Variants in PDZD2 observed in about 807,000 individuals in gnomAD.
PDZD2 encodes PDZ domain containing 2.
PDZD2 carries 90 observed loss-of-function variants against 220.7 expected under a neutral mutation model. The observed-to-expected ratio is 0.41, with a 90% CI of 0.34 to 0.49. The LOEUF (loss-of-function observed/expected upper bound fraction) is 0.49. Among genes scored for constraint, PDZD2 ranks in the 20% least tolerant of loss-of-function variants. The probability of loss-of-function intolerance (pLI) is 0.28; values close to 1 mark genes in which losing one functional copy is unlikely to be tolerated. For synonymous variants in PDZD2, 1,375 were observed against 1,450.5 expected, an observed-to-expected ratio of 0.95 and a Z score of 1.18; for missense variants, 3,174 against 3,608.5, an observed-to-expected ratio of 0.88 and a Z score of 3.08.
At chr5:31,918,820 T>TC (rs1350240826) in intron 2 of PDZD2, among the ~76,000 whole-genome samples, 3 of 152,152 alleles carry the variant, frequency 2.0e-5, no homozygotes, top group African/African-American at 7.2e-5. Context: ...TCTGTGCTAC[T>TC]CCAAGAGTGG....
At chr5:32,054,748 A>C (rs1213170972) in intron 10 of PDZD2, among the ~76,000 whole-genome samples, 1 of 152,216 alleles carries the variant, frequency 6.6e-6, no homozygotes, top group Non-Finnish European at 1.5e-5. Context: ...CTTGCAAATA[A>C]TTTTTTTAAT....
rs57252714 is a variant in PDZD2 at position 32,022,193 on chromosome 5, G to GT, written c.1407+11717dup. 6.4e-3 allele frequency among the ~76,000 whole-genome samples: 907 copies of GT among 141,370 alleles called. 24 individuals are homozygous for GT. The highest frequency in any genetic ancestry group is 0.015 in the African/African-American group (583 of 38,028). 92.7% of individuals were successfully genotyped at this position (141,370 alleles called of 152,430 possible). ...TTTCGTTTTGTTTTTTTGTTTTTTT[G>GT]TTTTTTGTTTTTTTTTGGAGTTGGG... On this transcript the variant is annotated intron_variant, in intron 6 of 24. Coordinates refer to ENST00000438447, the MANE Select transcript of PDZD2 (RefSeq NM_178140.4).
chr5:31,800,408 A>G (rs1261840679), intron 2 of PDZD2, among the ~76,000 whole-genome samples: 1 of 152,156 alleles, frequency 6.6e-6, no homozygotes, highest in Non-Finnish European at 1.5e-5. Flanking sequence ...TTGGTGTCCA[A>G]GGTTTTTTCT....
At chr5:31,673,469 G>T (rs1215315878) in intron 1 of PDZD2, among the ~76,000 whole-genome samples, 1 of 152,180 alleles carries the variant, frequency 6.6e-6, no homozygotes, top group Non-Finnish European at 1.5e-5. Context: ...CATAGGAAGG[G>T]TGTGTGTGCA....
rs1366880574 is a variant in PDZD2 at position 32,088,763 on chromosome 5, T to G, written c.5315T>G (p.Leu1772Trp). ...GTCCCTAAGAATGGAGAATCTGTTT[T>G]GGAAAACCTCCACATCTCTGAAAGT... The part of the protein sequence containing the change: ...VDVPKNGESV[L>W]ENLHISESQD... Residue 1772 changes from leucine (L) to tryptophan (W), a missense_variant, in exon 20 of 25, where the codon TTG (leucine) becomes TGG (tryptophan). By Grantham distance (61) the Leu-to-Trp change is moderately conservative (BLOSUM62 -2). Around this residue, in one of 4 missense-constraint regions of PDZD2, gnomAD observed 1,861 missense variants for 2,001.0 expected, o/e 0.93. Coordinates refer to ENST00000438447, the MANE Select transcript of PDZD2 (RefSeq NM_178140.4). The surrounding 1 kb of genome is among the most constrained non-coding windows in gnomAD (Gnocchi z 4.6). 6.2e-7 allele frequency: 1 copy of G among 1,614,110 alleles called. No homozygotes were observed. Among genetic ancestry groups the G allele is most frequent in the South Asian group, 1.1e-5 (1 of 91,066 alleles).
At chr5:32,096,956 C>T (rs1185836860) in intron 21 of PDZD2, among the ~76,000 whole-genome samples, 2 of 151,400 alleles carry the variant, frequency 1.3e-5, no homozygotes, top group Non-Finnish European at 2.9e-5. Flanking sequence ...CCACCTCAGC[C>T]TCTTGAGTAG....
chr5:32,095,731 T>TC (rs1743606924), intron 21 of PDZD2, among the ~76,000 whole-genome samples: 2 of 147,566 alleles, frequency 1.4e-5, no homozygotes, highest in African/African-American at 5.0e-5. Flanking sequence ...TTTTTTTTTT[T>TC]CCTTCTCCTT....
intron 2 of PDZD2, among the ~76,000 whole-genome samples, chr5:31,888,286 G>T (rs983034512): frequency 6.6e-6 from 1 of 151,982 alleles, no homozygotes; most frequent in African/African-American, 2.4e-5. Flanking sequence ...TCCGCCTACT[G>T]GGTTCAAGTA....
At chr5:31,821,467 G>A (rs974925388) in intron 2 of PDZD2, among the ~76,000 whole-genome samples, 9 of 151,798 alleles carry the variant, frequency 5.9e-5, no homozygotes, top group South Asian at 2.1e-4. Flanking sequence ...TGCAACCTCC[G>A]TCTCCCAGGT....
chr5:31,781,415 A>G (rs1753056776), intron 1 of PDZD2, among the ~76,000 whole-genome samples: 1 of 152,240 alleles, frequency 6.6e-6, no homozygotes. Flanking sequence ...CTCCATCTCA[A>G]AAAAGCAACA....
intron 1 of PDZD2, among the ~76,000 whole-genome samples, chr5:31,735,008 A>C (rs751464477): frequency 2.0e-5 from 3 of 152,126 alleles, no homozygotes; most frequent in Non-Finnish European, 4.4e-5. Context: ...AATGGTTGCT[A>C]TCCCTTGGCT....
At chr5:31,738,805 G>A (rs1186834269) in intron 1 of PDZD2, 2 of 152,194 alleles carry the variant, frequency 1.3e-5, no homozygotes, top group African/African-American at 4.8e-5. Context: ...CACAAGGAGA[G>A]GGAGCCCCAT....
intron 2 of PDZD2, among the ~76,000 whole-genome samples, chr5:31,852,098 G>A (rs956682580): frequency 2.0e-5 from 3 of 151,932 alleles, no homozygotes; most frequent in South Asian, 2.1e-4. Context: ...CTCGTGATCC[G>A]CCTGCCTCGG....
Position 31,799,582 on chromosome 5 carries a change from C to T in PDZD2, c.334C>T (p.Pro112Ser). The change falls in exon 2 of 25, where the codon CCT becomes TCT. Residue 112 changes from proline (P) to serine (S), a missense_variant. Coordinates refer to ENST00000438447, the MANE Select transcript of PDZD2 (RefSeq NM_178140.4). The part of the protein sequence containing the change: ...GGKKRKTHQG[P>S]VLDVGCIWVT... ...CAAGAAGAGGAAAACCCACCAGGGT[C>T]CTGTGCTGGATGTGGGCTGCATCTG... The T allele has an allele frequency of 6.2e-7, 1 of 1,614,134 alleles. No homozygotes were observed. The highest frequency in any genetic ancestry group is 8.5e-7 in the Non-Finnish European group (1 of 1,180,012).
chr5:32,098,645 C>G lies in PDZD2; in HGVS notation c.8218+11C>G, dbSNP rs777915117. ...TGGAGCCTGGCATTGGTAAGATGAT[C>G]ATTTCAACAACCAGCAGGCTGTGAG... On this transcript the variant is annotated intron_variant, in intron 23 of 24. Transcript: ENST00000438447. This position sits in a 1 kb window ranked among gnomAD's most constrained non-coding sequence, Gnocchi z 4.1. The G allele has an allele frequency of 6.2e-7, 1 of 1,606,634 alleles. No homozygotes were observed. Among genetic ancestry groups the G allele is most frequent in the Non-Finnish European group, 8.5e-7 (1 of 1,175,636 alleles).
At chr5:31,948,787 G>C (rs1284591273) in intron 2 of PDZD2, among the ~76,000 whole-genome samples, 1 of 152,138 alleles carries the variant, frequency 6.6e-6, no homozygotes, top group Admixed American at 6.5e-5. Flanking sequence ...GAGTAGGTGA[G>C]AGAACCACTT....
chr5:32,097,015 C>A (rs1743778980), intron 21 of PDZD2, among the ~76,000 whole-genome samples: 1 of 151,598 alleles, frequency 6.6e-6, no homozygotes. Context: ...TTTGTAGAGA[C>A]AGGGTTTTGC....
intron 1 of PDZD2, among the ~76,000 whole-genome samples, chr5:31,793,086 C>T (rs183354172): frequency 6.6e-6 from 1 of 152,222 alleles, no homozygotes; most frequent in East Asian, 1.9e-4. Context: ...GATCCGCCCA[C>T]CTTGGCCTCC....
In PDZD2 at chr5:31,869,682, G is replaced by GAC. The variant is rs137902468; in HGVS notation, c.476+69959_476+69960dup. Among the ~76,000 whole-genome samples the GAC allele has an allele frequency of 6.2e-3, 947 of 152,346 alleles. 11 individuals carry two copies. The highest frequency in any genetic ancestry group is 0.021 in the African/African-American group (889 of 41,570). On this transcript the variant is annotated intron_variant, in intron 2 of 24. Coordinates refer to ENST00000438447, the MANE Select transcript of PDZD2 (RefSeq NM_178140.4). ...AGTCACTGAAATAGGTAGTGACGGGGACTCCCTTGAAGATCCCAAGGTATT... is the reference window on the plus strand; with the variant it reads ...AGTCACTGAAATAGGTAGTGACGGGGACACTCCCTTGAAGATCCCAAGGTATT...
Sources: gnomAD v4.1 joint callset for allele counts (sites outside exome capture counted in the v4.1 genomes callset) on GRCh38, gnomAD v4.1.1 for gene constraint, gnomAD v4.1.1 regional missense constraint, Gnocchi (gnomAD v3.1) non-coding constraint, MANE v1.5 for transcripts, NCBI Gene and HGNC (gene_info 2026-07-23, HGNC 2026-07-21) for gene names.